The following LEPR variants were observed in gnomAD, a reference collection of about 807,000 sequenced individuals.
The protein encoded by LEPR is leptin receptor.
Under a neutral mutation model 114.7 loss-of-function variants are expected in LEPR, and 56 were observed. That is an observed-to-expected ratio of 0.49 (90% CI 0.39 to 0.61). LEPR has a LOEUF of 0.61. Ranked by LOEUF, LEPR falls within the 20% of genes least tolerant of loss-of-function variation. The probability of loss-of-function intolerance (pLI) is 0.00; values close to 1 mark genes in which losing one functional copy is unlikely to be tolerated. For missense variants in LEPR, 1,202 were observed against 1,352.9 expected, an observed-to-expected ratio of 0.89 and a Z score of 1.75; for synonymous variants, 443 against 461.4, an observed-to-expected ratio of 0.96 and a Z score of 0.51.
At chr1:65,425,433 A>G in intron 2 of LEPR, 55 bp downstream of exon 2, 1 of 1,481,968 alleles carries the variant, frequency 6.7e-7, no homozygotes, top group South Asian at 1.2e-5. Flanking sequence ...TGTCACTATT[A>G]GTATGGGTGT....
At chr1:65,548,341 G>C (rs1420736698) in intron 2 of LEPR, among the ~76,000 whole-genome samples, 1 of 152,134 alleles carries the variant, frequency 6.6e-6, no homozygotes, top group African/African-American at 2.4e-5. Flanking sequence ...GTGCAGAGGT[G>C]AGTTCAATTC....
intron 2 of LEPR, among the ~76,000 whole-genome samples, chr1:65,449,260 C>CTTTTTT (rs201429452): frequency 1.1e-4 from 13 of 118,552 alleles, no homozygotes; most frequent in African/African-American, 1.6e-4. Flanking sequence ...TTTTATTTAT[C>CTTTTTT]TTTTTTTTTT....
intron 1 of LEPR, among the ~76,000 whole-genome samples, chr1:65,422,087 C>T (rs956265994): frequency 4.6e-5 from 7 of 152,156 alleles, no homozygotes; most frequent in African/African-American, 1.7e-4. Flanking sequence ...GGATTTTGTC[C>T]TCCAAAAAGA....
chr1:65,472,611 T>TAC (rs1313108706), intron 2 of LEPR, among the ~76,000 whole-genome samples: 5 of 110,424 alleles, frequency 4.5e-5, no homozygotes, highest in Non-Finnish European at 9.1e-5. Flanking sequence ...AGTGTATATA[T>TAC]ATAGACACAC....
At chr1:65,474,738 T>C (rs891772981) in intron 2 of LEPR, among the ~76,000 whole-genome samples, 7 of 152,086 alleles carry the variant, frequency 4.6e-5, no homozygotes, top group African/African-American at 9.7e-5. Flanking sequence ...CCAGGTGCGG[T>C]GGCTCATGCC....
chr1:65,549,321 C>T (rs1309543422), intron 2 of LEPR, among the ~76,000 whole-genome samples: 58 of 150,016 alleles, frequency 3.9e-4, no homozygotes, highest in Middle Eastern at 7.0e-3. Context: ...ATCTTTGTGG[C>T]GTTCTCTGTA....
intron 2 of LEPR, among the ~76,000 whole-genome samples, chr1:65,464,193 C>T (rs185144951): frequency 1.3e-3 from 195 of 152,202 alleles, no homozygotes; most frequent in African/African-American, 4.1e-3. Flanking sequence ...TTTTTAGATA[C>T]GTTCCATCAA....
At chr1:65,462,185 T>A (rs1216305216) in intron 2 of LEPR, among the ~76,000 whole-genome samples, 1 of 152,136 alleles carries the variant, frequency 6.6e-6, no homozygotes, top group Non-Finnish European at 1.5e-5. Flanking sequence ...CAATGTGTGA[T>A]GTTCCCTGCC....
rs1654085202 is a variant in LEPR, at chr1:65,570,571, T to C, written c.139T>C (p.Phe47Leu). Residue 47 changes from phenylalanine (F) to leucine (L), a missense_variant, in exon 4 of 20, where the codon TTC (phenylalanine) becomes CTC (leucine). Phe to Leu is a conservative substitution (Grantham distance 22). Transcript: ENST00000349533. ...GCCACCAAATTCAACCTATGACTAC[T>C]TCCTTTTGCCTGCTGGACTCTCAAA... ...CMPPNSTYDY[F>L]LLPAGLSKNT... The C allele has an allele frequency of 6.2e-7, 1 of 1,614,028 alleles. No individual in the cohort carries two copies. Among genetic ancestry groups the C allele is most frequent in the East Asian group, 2.2e-5 (1 of 44,828 alleles).
chr1:65,521,430 C>T (rs1265524774), intron 2 of LEPR, among the ~76,000 whole-genome samples: 1 of 152,150 alleles, frequency 6.6e-6, no homozygotes, highest in East Asian at 1.9e-4. Flanking sequence ...TGATTATGGA[C>T]TTTAATGACA....
At chr1:65,544,476 A>G (rs566449957) in intron 2 of LEPR, among the ~76,000 whole-genome samples, 56 of 152,036 alleles carry the variant, frequency 3.7e-4, no homozygotes, top group Non-Finnish European at 5.3e-4. Flanking sequence ...TTCCAATACT[A>G]TGTTGAACAG....
intron 14 of LEPR, 64 bp downstream of exon 14, chr1:65,610,360 G>T (rs1438633122): frequency 1.0e-5 from 13 of 1,305,490 alleles, no homozygotes; most frequent in Non-Finnish European, 1.4e-5. Context: ...TTACTTCATG[G>T]TCCATAATCC....
chr1:65,545,349 A>T (rs924546816), intron 2 of LEPR, among the ~76,000 whole-genome samples: 1 of 152,074 alleles, frequency 6.6e-6, no homozygotes, highest in Non-Finnish European at 1.5e-5. Flanking sequence ...GTCAAATGGT[A>T]TTTCTAGTTC....
At chr1:65,555,235 A>G (rs1652734226) in intron 2 of LEPR, among the ~76,000 whole-genome samples, 2 of 152,238 alleles carry the variant, frequency 1.3e-5, no homozygotes, top group Non-Finnish European at 2.9e-5. Context: ...GAACAGCAAT[A>G]GCATGTTCTC....
chr1:65,527,495 C>T (rs892460016), intron 2 of LEPR, among the ~76,000 whole-genome samples: 1 of 152,156 alleles, frequency 6.6e-6, no homozygotes, highest in Non-Finnish European at 1.5e-5. Flanking sequence ...GAGAATGTTA[C>T]AGTAGCTTTT....
At chr1:65,533,566 C>T (rs1165529181) in intron 2 of LEPR, among the ~76,000 whole-genome samples, 1 of 151,956 alleles carries the variant, frequency 6.6e-6, no homozygotes, top group Non-Finnish European at 1.5e-5. Context: ...ATGTTTTATT[C>T]TAACAGATTA....
At chr1:65,565,298 T>C (rs1653655152) in intron 2 of LEPR, among the ~76,000 whole-genome samples, 2 of 152,248 alleles carry the variant, frequency 1.3e-5, no homozygotes, top group South Asian at 2.1e-4. Context: ...TGGTTTGTTA[T>C]GGCATAAAGG....
intron 2 of LEPR, among the ~76,000 whole-genome samples, chr1:65,554,582 C>A (rs574728820): frequency 6.6e-6 from 1 of 152,044 alleles, no homozygotes; most frequent in South Asian, 2.1e-4. Flanking sequence ...TTGAGTGTCC[C>A]AGGTCGATTT....
chr1:65,499,779 T>C (rs1570566018), intron 2 of LEPR, among the ~76,000 whole-genome samples: 1 of 152,152 alleles, frequency 6.6e-6, no homozygotes, highest in African/African-American at 2.4e-5. Context: ...TCGATGTTTG[T>C]TTACCCCAAG....
Sources: gnomAD v4.1 joint callset for allele counts (sites outside exome capture counted in the v4.1 genomes callset) on GRCh38, gnomAD v4.1.1 for gene constraint, MANE v1.5 for transcripts, NCBI Gene and HGNC (gene_info 2026-07-23, HGNC 2026-07-21) for gene names.